MAP3K15: variants seen among roughly 807,000 people sequenced by gnomAD.
The protein encoded by MAP3K15 is mitogen-activated protein kinase kinase kinase 15, also known as MAPK/ERK kinase kinase 15.
MAP3K15 carries 124 observed loss-of-function variants against 99.5 expected under a neutral mutation model. The ratio of observed to expected loss-of-function variants is 1.25; its 90% CI spans 1.08 to 1.45. The LOEUF (loss-of-function observed/expected upper bound fraction) is 1.45. MAP3K15 is among the 40% of genes most tolerant of loss of function. The pLI is 0.00. For missense variants in MAP3K15, 1,242 were observed against 1,079.7 expected (o/e 1.15, Z -2.11); for synonymous variants, 494 against 439.6 (o/e 1.12, Z -1.55).
At chrX:19,409,013 T>G (rs1285528146) in intron 12 of MAP3K15, among the ~76,000 whole-genome samples, 1 of 112,208 alleles carries the variant, frequency 8.9e-6, no homozygotes, top group Non-Finnish European at 1.9e-5. Context: ...TGCTGCTTTG[T>G]GTATGCTTTG....
Position 19,373,682 on chromosome X carries a change from A to G in MAP3K15, c.2787T>C (p.Gly929=), listed in dbSNP as rs773368042. Residue 929 remains glycine (G), a synonymous_variant, in exon 21 of 29, where the codon GGT becomes GGC. Coordinates refer to ENST00000338883, the MANE Select transcript of MAP3K15 (RefSeq NM_001001671.4). The part of the protein sequence containing the change: ...IAFKPSEGPR[G]VVLALPTQGE... Reference sequence around the variant, plus strand: ...CCTGTGTGGGCAGGGCCAGGACGACACCGCGGGGACCTTCTGTAGGGGGAC... The same window carrying G: ...CCTGTGTGGGCAGGGCCAGGACGACGCCGCGGGGACCTTCTGTAGGGGGAC... 8.3e-7 allele frequency: 1 copy of G among 1,198,699 alleles called. No individual in the cohort carries two copies. The highest frequency in any genetic ancestry group is 1.1e-6 in the Non-Finnish European group (1 of 893,962).
chrX:19,436,164 A>G (rs2063920286), intron 6 of MAP3K15, among the ~76,000 whole-genome samples: 1 of 100,516 alleles, frequency 9.9e-6, no homozygotes, highest in Non-Finnish European at 1.9e-5. Flanking sequence ...CAAAAAAAAA[A>G]AAAAGAAAGA....
chrX:19,392,280 A>T, intron 17 of MAP3K15, 63 bp downstream of exon 17: 2 of 1,151,017 alleles, frequency 1.7e-6, no homozygotes, highest in South Asian at 4.0e-5. Flanking sequence ...AGCAGACACC[A>T]TCGACAGCTC....
chrX:19,368,103 G>A (rs2063348508), intron 25 of MAP3K15, among the ~76,000 whole-genome samples: 2 of 110,318 alleles, frequency 1.8e-5, no homozygotes, highest in African/African-American at 3.3e-5. Flanking sequence ...ACTTCCCAGA[G>A]CAAACAGGAA....
At chrX:19,364,684 T>C (rs2063321655) in intron 25 of MAP3K15, among the ~76,000 whole-genome samples, 1 of 110,991 alleles carries the variant, frequency 9.0e-6, no homozygotes, top group Non-Finnish European at 1.9e-5. Flanking sequence ...GCAGATCACC[T>C]GAGGTCAGAA....
chrX:19,424,357 G>A (rs970690195), intron 9 of MAP3K15, among the ~76,000 whole-genome samples: 27 of 107,083 alleles, frequency 2.5e-4, no homozygotes, highest in African/African-American at 8.6e-4. Flanking sequence ...AAGTTCTAGG[G>A]TAAATGTGTG....
intron 18 of MAP3K15, among the ~76,000 whole-genome samples, chrX:19,390,390 C>T (rs2063519005): frequency 1.0e-5 from 1 of 99,245 alleles, no homozygotes; most frequent in Non-Finnish European, 2.0e-5. Context: ...TCACTGCAGC[C>T]TCAACCTCCT....
chrX:19,459,798 C>G (rs1375160571), intron 5 of MAP3K15, among the ~76,000 whole-genome samples, 187 bp downstream of exon 5: 1 of 111,715 alleles, frequency 9.0e-6, no homozygotes, highest in African/African-American at 3.3e-5. Flanking sequence ...TGCAGTGAGC[C>G]GAGATCGCAC....
chrX:19,378,896 G>A (rs910571085), intron 19 of MAP3K15, among the ~76,000 whole-genome samples: 1 of 111,180 alleles, frequency 9.0e-6, no homozygotes, highest in Non-Finnish European at 1.9e-5. Context: ...AGCTCGGGGA[G>A]GGTTGTTGGA....
intron 25 of MAP3K15, among the ~76,000 whole-genome samples, chrX:19,365,642 G>C (rs921458154): frequency 8.9e-6 from 1 of 112,203 alleles, no homozygotes; most frequent in Non-Finnish European, 1.9e-5. Context: ...TTTCTTAACT[G>C]TGTGTTCCTT....
chrX:19,371,098 A>G, intron 23 of MAP3K15, 34 bp from the exon 24 acceptor site: 3 of 1,034,367 alleles, frequency 2.9e-6, no homozygotes, highest in Non-Finnish European at 3.9e-6. Flanking sequence ...ATAAACTAAA[A>G]TCACAAAAAT....
intron 7 of MAP3K15, among the ~76,000 whole-genome samples, chrX:19,427,952 T>C (rs2147306079): frequency 9.0e-6 from 1 of 110,838 alleles, no homozygotes; most frequent in African/African-American, 3.3e-5. Context: ...GAATTTTAAA[T>C]TCTACATCCT....
intron 19 of MAP3K15, among the ~76,000 whole-genome samples, chrX:19,377,730 C>T (rs987377857): frequency 8.9e-6 from 1 of 111,761 alleles, no homozygotes; most frequent in Non-Finnish European, 1.9e-5. Context: ...ATGTTTTCCT[C>T]GTCACCAGCT....
chrX:19,450,463 A>C (rs1049935608), intron 6 of MAP3K15, among the ~76,000 whole-genome samples: 1 of 110,700 alleles, frequency 9.0e-6, no homozygotes, highest in Non-Finnish European at 1.9e-5. Context: ...CAGCATTGCC[A>C]AAATCAATGC....
chrX:19,362,873 A>G, intron 25 of MAP3K15, 23 bp from the exon 26 acceptor site: 1 of 879,187 alleles, frequency 1.1e-6, no homozygotes, highest in Non-Finnish European at 1.6e-6. Flanking sequence ...AAAAAAAAAA[A>G]AGCCATTATC....
In MAP3K15 at chrX:19,373,632, C is replaced by T. The variant is rs372490783; in HGVS notation, c.2837G>A (p.Ser946Asn). 3 of 1,197,533 alleles carry T rather than the reference C, an allele frequency of 2.5e-6. No individual in the cohort carries two copies. Among genetic ancestry groups the T allele is most frequent in the Non-Finnish European group, 3.4e-6 (3 of 891,079 alleles). ...GTCTGGGGAGACAGAGCCGTGCTCG[C>T]TGCTGCTGGTGGCCATGGGCTCTCC... ...TQGEPMATSSSEHGSVSPDSD... is the reference protein window; with the variant it reads ...TQGEPMATSSNEHGSVSPDSD... Residue 946 changes from serine to asparagine, a missense_variant, in exon 21 of 29, where the codon AGC (serine) becomes AAC (asparagine). Physicochemically the swap from Ser to Asn is conservative, Grantham distance 46. Coordinates refer to ENST00000338883, the MANE Select transcript of MAP3K15 (RefSeq NM_001001671.4).
chrX:19,464,522 C>G, intron 3 of MAP3K15, 116 bp from the exon 4 acceptor site: 1 of 509,834 alleles, frequency 2.0e-6, no homozygotes, highest in African/African-American at 2.3e-5. Flanking sequence ...GAAAACAATT[C>G]GTTCAATACG....
chrX:19,368,848 T>TTTG (rs1238493337), intron 25 of MAP3K15, among the ~76,000 whole-genome samples: 4 of 110,155 alleles, frequency 3.6e-5, no homozygotes, highest in African/African-American at 1.3e-4. Flanking sequence ...TGAGTTTTTT[T>TTTG]TTTTTTTTTT....
intron 19 of MAP3K15, among the ~76,000 whole-genome samples, chrX:19,377,286 G>T (rs1602253773): frequency 8.9e-6 from 1 of 112,515 alleles, no homozygotes; most frequent in South Asian, 3.6e-4. Flanking sequence ...GGGCACGGTG[G>T]CTCTCGCCTG....
Sources: allele counts gnomAD v4.1 joint callset (sites outside exome capture counted in the v4.1 genomes callset), GRCh38; gene constraint gnomAD v4.1.1; transcripts MANE v1.5; gene names NCBI Gene and HGNC (gene_info 2026-07-23, HGNC 2026-07-21).